Variants in RNGTT observed in about 807,000 individuals in gnomAD.
RNGTT encodes the protein mRNA-capping enzyme.
In RNGTT, 33 loss-of-function variants were observed where a neutral mutation model predicts 79.3. The ratio of observed to expected loss-of-function variants is 0.42; its 90% confidence interval spans 0.32 to 0.56. The LOEUF is 0.56. Ranked by LOEUF, RNGTT falls within the 20% of genes least tolerant of loss-of-function variation. The pLI, the probability that RNGTT is intolerant of heterozygous loss-of-function variation, is 0.17. For missense variants in RNGTT, 497 were observed against 739.1 expected (o/e 0.67, Z 3.80); for synonymous variants, 222 against 235.9 (o/e 0.94, Z 0.54).
chr6:88,816,396 T>G (rs981812145), intron 11 of RNGTT, among the ~76,000 whole-genome samples: 1 of 152,042 alleles, frequency 6.6e-6, no homozygotes, highest in Non-Finnish European at 1.5e-5. Context: ...GCACTTATAG[T>G]CCCTAGGCTA....
intron 1 of RNGTT, 61 bp from the exon 2 acceptor site, chr6:88,941,241 T>A: frequency 8.9e-7 from 1 of 1,127,134 alleles, no homozygotes; most frequent in Non-Finnish European, 1.3e-6. Context: ...TAAAATTCTA[T>A]AATTAACAAT....
intron 13 of RNGTT, among the ~76,000 whole-genome samples, chr6:88,745,586 G>T (rs1192320485): frequency 2.6e-5 from 4 of 151,950 alleles, no homozygotes; most frequent in African/African-American, 9.7e-5. Context: ...TTTTATTATG[G>T]TTACTAGAAA....
intron 11 of RNGTT, among the ~76,000 whole-genome samples, chr6:88,843,520 C>T (rs1020174814): frequency 4.7e-5 from 7 of 149,294 alleles, no homozygotes; most frequent in Non-Finnish European, 8.9e-5. Flanking sequence ...ACAAAAAGAA[C>T]CAACATCTTG....
intron 14 of RNGTT, among the ~76,000 whole-genome samples, chr6:88,647,315 G>C (rs532540951): frequency 6.6e-6 from 1 of 152,224 alleles, no homozygotes; most frequent in African/African-American, 2.4e-5. Context: ...TTGATGCTAT[G>C]TTTTCAAAAT....
chr6:88,632,921 A>G (rs1215995328), intron 14 of RNGTT, among the ~76,000 whole-genome samples: 1 of 152,058 alleles, frequency 6.6e-6, no homozygotes, highest in East Asian at 1.9e-4. Flanking sequence ...TTTCCCACAT[A>G]TTGTCTCTTT....
At chr6:88,780,277 T>C (rs1300306928) in intron 12 of RNGTT, among the ~76,000 whole-genome samples, 1 of 152,180 alleles carries the variant, frequency 6.6e-6, no homozygotes, top group Admixed American at 6.5e-5. Context: ...AAATGAAATA[T>C]CTGAGATTAT....
intron 13 of RNGTT, among the ~76,000 whole-genome samples, chr6:88,724,232 C>T (rs528737781): frequency 6.6e-6 from 1 of 152,284 alleles, no homozygotes; most frequent in East Asian, 1.9e-4. Context: ...TTCACACTCA[C>T]TCACCACTCA....
At position 88,662,192 on chromosome 6, in the gene RNGTT, A is replaced by C. The variant is rs149448056; in HGVS notation, c.1506+16161T>G. ...TAGACCACCTCTCCCATTGTCTCCT[A>C]TTTCATGAGAAAGCAAAAGGTTAAA... On this transcript the variant is annotated intron_variant, in intron 14 of 15. Transcript: ENST00000369485. Among the ~76,000 whole-genome samples the C allele has an allele frequency of 4.6e-5, 7 of 152,342 alleles. No homozygotes were observed. In the East Asian group the frequency reaches 1.2e-3, roughly 25 times the overall value.
At chr6:88,859,970 A>G (rs1470614766) in intron 8 of RNGTT, among the ~76,000 whole-genome samples, 2 of 152,166 alleles carry the variant, frequency 1.3e-5, no homozygotes, top group Non-Finnish European at 2.9e-5. Flanking sequence ...AATGCAGACC[A>G]CTAAAATGTT....
chr6:88,887,361 C>T (rs923893815), intron 8 of RNGTT, among the ~76,000 whole-genome samples: 1 of 152,188 alleles, frequency 6.6e-6, no homozygotes, highest in Non-Finnish European at 1.5e-5. Flanking sequence ...TAAGACCATT[C>T]TACAGCCTCC....
intron 13 of RNGTT, among the ~76,000 whole-genome samples, chr6:88,700,875 G>T (rs1775921775): frequency 1.3e-5 from 2 of 152,174 alleles, no homozygotes; most frequent in South Asian, 4.1e-4. Context: ...ATGCTTACTT[G>T]ATGTTTAAAT....
Position 88,955,032 on chromosome 6 carries a change from T to A in RNGTT, c.64+8314A>T, listed in dbSNP as rs565906025. ...GAGATCGTACCATTGCATTCCAGCC[T>A]GGGTGACAGAGCAAGACTCCATCTC... On this transcript the variant is annotated intron_variant, in intron 1 of 15. Transcript: ENST00000369485. Among the ~76,000 whole-genome samples the A allele has an allele frequency of 2.0e-5, 3 of 151,964 alleles. No homozygotes were observed. The East Asian group carries it at 5.8e-4, about 29-fold the overall frequency.
chr6:88,698,234 AAAT>A (rs1775797823), intron 13 of RNGTT, among the ~76,000 whole-genome samples: 2 of 102,112 alleles, frequency 2.0e-5, no homozygotes, highest in Non-Finnish European at 3.3e-5. Flanking sequence ...TATATATATG[AAAT>A]ATATATATGA....
At chr6:88,920,410 A>G (rs548768876) in intron 4 of RNGTT, among the ~76,000 whole-genome samples, 1 of 152,306 alleles carries the variant, frequency 6.6e-6, no homozygotes, top group African/African-American at 2.4e-5. Context: ...CAGGTTATTT[A>G]TATGGTACAG....
chr6:88,767,678 C>CAAA (rs58712575), intron 13 of RNGTT, among the ~76,000 whole-genome samples: 20 of 83,506 alleles, frequency 2.4e-4, no homozygotes, highest in African/African-American at 6.8e-4. Context: ...TCACTTGTGT[C>CAAA]AAAAAAAAAA....
At chr6:88,879,936 A>T (rs1782641896) in intron 8 of RNGTT, among the ~76,000 whole-genome samples, 1 of 152,220 alleles carries the variant, frequency 6.6e-6, no homozygotes, top group Non-Finnish European at 1.5e-5. Flanking sequence ...TTATTGAAAT[A>T]CATCATTTGG....
intron 6 of RNGTT, among the ~76,000 whole-genome samples, chr6:88,892,493 A>C (rs75129029): frequency 0.026 from 3,940 of 152,150 alleles, 170 homozygotes; most frequent in African/African-American, 0.087. Context: ...CAGTCATTGG[A>C]TATATTAACA....
intron 14 of RNGTT, among the ~76,000 whole-genome samples, chr6:88,649,268 G>A (rs1773700778): frequency 6.6e-6 from 1 of 152,194 alleles, no homozygotes; most frequent in Admixed American, 6.5e-5. Context: ...CACATTTCAT[G>A]CATTAGACAG....
At position 88,878,226 on chromosome 6, in the gene RNGTT, GC is replaced by G. The variant is rs537155203; in HGVS notation, c.896+12268del. Among the ~76,000 whole-genome samples the G allele has an allele frequency of 2.0e-3, 311 of 152,100 alleles. 2 individuals carry two copies. Among genetic ancestry groups the G allele is most frequent in the African/African-American group, 6.7e-3 (279 of 41,470 alleles). On this transcript the variant is annotated intron_variant, in intron 8 of 15. Transcript: ENST00000369485. ...TTCTCGTGTCTCAGCCTCCCAGGTA[GC>G]TAGGATTACAGATGCAAGCCACCAC...
Sources: allele counts gnomAD v4.1 joint callset (sites outside exome capture counted in the v4.1 genomes callset), GRCh38; gene constraint gnomAD v4.1.1; transcripts MANE v1.5; gene names NCBI Gene and HGNC (gene_info 2026-07-23, HGNC 2026-07-21).